Variants in SEC23A observed in about 807,000 individuals in gnomAD.
The protein encoded by SEC23A is SEC23 homolog A, COPII component.
Under a neutral mutation model 103.7 loss-of-function variants are expected in SEC23A, and 56 were observed. The observed-to-expected ratio is 0.54, with a 90% CI of 0.44 to 0.67. The LOEUF (loss-of-function observed/expected upper bound fraction) is 0.67, where lower values mean the gene tolerates loss of function less well. SEC23A is among the 30% of genes least tolerant of loss of function. The probability of loss-of-function intolerance (pLI) is 0.00; values close to 1 mark genes in which losing one functional copy is unlikely to be tolerated. For missense variants in SEC23A, 784 were observed against 936.4 expected (o/e 0.84, Z 2.12); for synonymous variants, 281 against 293.0 (o/e 0.96, Z 0.42).
chr14:39,041,843 T>C (rs564523007), intron 17 of SEC23A, among the ~76,000 whole-genome samples: 1 of 136,266 alleles, frequency 7.3e-6, no homozygotes, highest in Admixed American at 8.2e-5. Context: ...CACTCCAGCC[T>C]GGGTGAAAGA....
Position 39,096,281 on chromosome 14 carries a change from A to G in SEC23A, c.-21-142T>C, listed in dbSNP as rs372985290. On this transcript the variant is annotated intron_variant, in intron 1 of 19. Transcript: ENST00000307712. ...CCCCGTGGCTCACGCCGGTAATCCCAGCACTTTGGGAGGCCGAGACAGGCG... is the reference window on the plus strand; with the variant it reads ...CCCCGTGGCTCACGCCGGTAATCCCGGCACTTTGGGAGGCCGAGACAGGCG... 54 of 635,510 alleles carry G rather than the reference A, an allele frequency of 8.5e-5. 1 individual carries two copies. In the East Asian group the frequency reaches 1.0e-3, roughly 12 times the overall value. The allele number at this position is 635,510 out of a possible 1,614,324, so 39.4% of individuals were successfully genotyped here. A position where few individuals can be genotyped will look rare whatever the true frequency, so the allele number is the denominator to read the frequency against.
At position 39,053,052 on chromosome 14, in the gene SEC23A, G is replaced by A. The variant is rs150932860; in HGVS notation, c.1659+2091C>T. On this transcript the variant is annotated intron_variant, in intron 14 of 19. Coordinates refer to ENST00000307712, the MANE Select transcript of SEC23A (RefSeq NM_006364.4). Reference sequence around the variant, plus strand: ...CCAGAGGCGGAGGCAGGAGAATCACGTGAACCCAGGAGGCAGAGGTGGCAG... The same window carrying A: ...CCAGAGGCGGAGGCAGGAGAATCACATGAACCCAGGAGGCAGAGGTGGCAG... 2.3e-3 allele frequency among the ~76,000 whole-genome samples: 352 copies of A among 152,204 alleles called. 3 individuals are homozygous for A. Among genetic ancestry groups the A allele is most frequent in the African/African-American group, 7.8e-3 (322 of 41,544 alleles).
intron 7 of SEC23A, among the ~76,000 whole-genome samples, chr14:39,084,733 G>A (rs1306858875): frequency 2.6e-5 from 4 of 152,102 alleles, no homozygotes; most frequent in South Asian, 2.1e-4. Flanking sequence ...GCAGTGATGC[G>A]ATCTCAGCTC....
intron 9 of SEC23A, among the ~76,000 whole-genome samples, chr14:39,068,273 T>C (rs1476672857): frequency 6.6e-6 from 1 of 152,118 alleles, no homozygotes; most frequent in Non-Finnish European, 1.5e-5. Context: ...GGCACTCTCA[T>C]ACACTTCTGC....
intron 13 of SEC23A, among the ~76,000 whole-genome samples, chr14:39,056,412 C>T (rs777324940): frequency 1.3e-5 from 2 of 152,136 alleles, no homozygotes; most frequent in African/African-American, 2.4e-5. Flanking sequence ...GAATAACAGG[C>T]GTGAGCCACC....
At chr14:39,091,449 G>T in intron 5 of SEC23A, 28 bp downstream of exon 5, 1 of 1,540,974 alleles carries the variant, frequency 6.5e-7, no homozygotes, top group South Asian at 1.1e-5. Flanking sequence ...TTTTCAGATA[G>T]GTAAAAACTA....
At chr14:39,099,455 G>A (rs1279486416) in intron 1 of SEC23A, among the ~76,000 whole-genome samples, 1 of 152,054 alleles carries the variant, frequency 6.6e-6, no homozygotes. Context: ...ACCGCTCCCC[G>A]CCATTAAATT....
At chr14:39,068,693 T>G (rs887523406) in intron 9 of SEC23A, among the ~76,000 whole-genome samples, 1 of 152,182 alleles carries the variant, frequency 6.6e-6, no homozygotes, top group African/African-American at 2.4e-5. Context: ...ATTGTTTATA[T>G]GATACACATG....
chr14:39,077,702 G>A (rs570810700), intron 7 of SEC23A, among the ~76,000 whole-genome samples: 1 of 152,256 alleles, frequency 6.6e-6, no homozygotes, highest in Admixed American at 6.5e-5. Flanking sequence ...AGTTGTTTTA[G>A]GTGGATCACT....
rs1353951655 is a variant in SEC23A, at chr14:39,033,127, T to C, written c.*112A>G. 6.4e-6 allele frequency: 5 copies of C among 786,118 alleles called. No homozygotes were observed. Among genetic ancestry groups the C allele is most frequent in the Non-Finnish European group, 4.5e-6 (2 of 444,778 alleles). 48.7% of individuals were successfully genotyped at this position (786,118 alleles called of 1,614,324 possible). On this transcript the variant is annotated 3_prime_UTR_variant, in exon 20 of 20. Transcript: ENST00000307712. ...CATATGTTGTCTCAAACCATACTAATACAAAAAATATAGAGCAATATCTGT... is the reference window on the plus strand; with the variant it reads ...CATATGTTGTCTCAAACCATACTAACACAAAAAATATAGAGCAATATCTGT...
At chr14:39,055,787 AC>A (rs1224348576) in intron 13 of SEC23A, among the ~76,000 whole-genome samples, 1 of 152,180 alleles carries the variant, frequency 6.6e-6, no homozygotes, top group Non-Finnish European at 1.5e-5. Context: ...TCCCTCAAAC[AC>A]AAGGAAAAGA....
chr14:39,091,773 G>A, intron 4 of SEC23A, 60 bp from the exon 5 acceptor site: 1 of 1,087,456 alleles, frequency 9.2e-7, no homozygotes, highest in South Asian at 1.3e-5. Flanking sequence ...ATACAAGACA[G>A]TCAACAGGGA....
rs34055229 is a variant in SEC23A at position 39,032,543 on chromosome 14, T to TA, written c.*695dup. On this transcript the variant is annotated 3_prime_UTR_variant, in exon 20 of 20. Transcript: ENST00000307712. ...ACCATTTATTTTCTATCTCCCCTTT[T>TA]AAAAAAACTACTGCGTTTAGTCACA... The TA allele has an allele frequency of 6.5e-6, 1 of 152,696 alleles. No homozygotes were observed. Among genetic ancestry groups the TA allele is most frequent in the African/African-American group, 2.4e-5 (1 of 41,568 alleles). The allele number at this position is 152,696 out of a possible 1,614,324, so 9.5% of individuals were successfully genotyped here.
chr14:39,072,429 G>C (rs985178376), intron 9 of SEC23A, among the ~76,000 whole-genome samples: 1 of 152,084 alleles, frequency 6.6e-6, no homozygotes, highest in Non-Finnish European at 1.5e-5. Flanking sequence ...CACATAAAAA[G>C]ATGCTCAACA....
chr14:39,038,332 G>A (rs1011515684), intron 19 of SEC23A, among the ~76,000 whole-genome samples: 9 of 152,004 alleles, frequency 5.9e-5, no homozygotes. Context: ...ATACTTCATA[G>A]CTTTCTAAGG....
rs1451776155 is a variant in SEC23A at position 39,092,575 on chromosome 14, A to G, written c.332T>C (p.Leu111Ser). The G allele has an allele frequency of 1.2e-6, 2 of 1,611,430 alleles. No individual in the cohort carries two copies. Among genetic ancestry groups the G allele is most frequent in the Admixed American group, 1.7e-5 (1 of 59,958 alleles). ...ATATTCAATGCTAGAAAACTGAGGT[A>G]AAAGTTCAGCAGGCTGATTCAGTTC... The part of the protein sequence containing the change: ...ISELNQPAEL[L>S]PQFSSIEYVV... The change falls in exon 4 of 20, where the codon TTA (leucine) becomes TCA (serine). Residue 111 changes from leucine to serine, a missense_variant. By Grantham distance (145) the Leu-to-Ser change is moderately radical (BLOSUM62 -2). Around this residue, in one of 2 missense-constraint regions of SEC23A, gnomAD observed 683 missense variants for 774.2 expected, o/e 0.88. Coordinates refer to ENST00000307712, the MANE Select transcript of SEC23A (RefSeq NM_006364.4).
chr14:39,095,904 G>C lies in SEC23A; in HGVS notation c.215C>G (p.Pro72Arg). The part of the protein sequence containing the change: ...SRTTCRAVLN[P>R]LCQVDYRAKL... ...TTCTATATATTTTACTTACCATAAAGGATTCAAAACTGCACGGCAAGTGGT... is the reference window on the plus strand; with the variant it reads ...TTCTATATATTTTACTTACCATAAACGATTCAAAACTGCACGGCAAGTGGT... Residue 72 changes from proline (P) to arginine (R), a missense_variant, in exon 2 of 20, where the codon CCT becomes CGT. Coordinates refer to ENST00000307712, the MANE Select transcript of SEC23A (RefSeq NM_006364.4). The C allele has an allele frequency of 6.2e-7, 1 of 1,607,534 alleles. No homozygotes were observed. The highest frequency in any genetic ancestry group is 8.5e-7 in the Non-Finnish European group (1 of 1,174,020).
chr14:39,050,695 G>A (rs1452494548), intron 14 of SEC23A, among the ~76,000 whole-genome samples: 2 of 152,184 alleles, frequency 1.3e-5, no homozygotes, highest in Admixed American at 6.5e-5. Flanking sequence ...GCACAGGCCT[G>A]TAGTTCCTGC....
chr14:39,060,617 C>G (rs1886441420), intron 13 of SEC23A, among the ~76,000 whole-genome samples: 1 of 152,208 alleles, frequency 6.6e-6, no homozygotes, highest in South Asian at 2.1e-4. Flanking sequence ...CTCTTCCTAA[C>G]TAAACTCATT....
Sources: allele counts gnomAD v4.1 joint callset (sites outside exome capture counted in the v4.1 genomes callset), GRCh38; gene constraint gnomAD v4.1.1; regional missense constraint gnomAD v4.1.1; transcripts MANE v1.5; gene names NCBI Gene and HGNC (gene_info 2026-07-23, HGNC 2026-07-21).